The following SIGLEC1 variants were observed in gnomAD, a reference collection of about 807,000 sequenced individuals.
The protein encoded by SIGLEC1 is sialoadhesin.
Under a neutral mutation model 148.0 loss-of-function variants are expected in SIGLEC1, and 132 were observed. That is an observed-to-expected ratio of 0.89 (90% CI 0.77 to 1.03). The LOEUF is 1.03. Ranked by LOEUF, SIGLEC1 falls within the 50% of genes least tolerant of loss-of-function variation. SIGLEC1 has a pLI of 0.00. For synonymous variants in SIGLEC1, 945 were observed against 969.0 expected (o/e 0.98, Z 0.46); for missense variants, 2,253 against 2,271.4 (o/e 0.99, Z 0.16).
In SIGLEC1 at chr20:3,688,465, G is replaced by T; in HGVS notation, c.*95C>A. 2 of 1,048,544 alleles carry T rather than the reference G, an allele frequency of 1.9e-6. No individual in the cohort carries two copies. The highest frequency in any genetic ancestry group is 2.9e-6 in the Non-Finnish European group (2 of 690,044). 65.0% of individuals were successfully genotyped at this position (1,048,544 alleles called of 1,614,324 possible). On this transcript the variant is annotated 3_prime_UTR_variant, in exon 22 of 22. Transcript: ENST00000344754. ...GTCACAGAGCTGTTTTCGTAGAGGCGGGCAGGACTCAACACTGCCTCATTC... is the reference window on the plus strand; with the variant it reads ...GTCACAGAGCTGTTTTCGTAGAGGCTGGCAGGACTCAACACTGCCTCATTC...
Position 3,696,840 on chromosome 20 carries a change from C to T in SIGLEC1, c.2429G>A (p.Gly810Asp). The T allele has an allele frequency of 1.3e-6, 2 of 1,587,126 alleles. No individual in the cohort carries two copies. Among genetic ancestry groups the T allele is most frequent in the Non-Finnish European group, 1.7e-6 (2 of 1,165,502 alleles). ...KLSALLDMGQ[G>D]HMALFICTVD... ...AGTGCAGATGAACAGAGCCATGTGGCCCTGGCCCATGTCTAGGAGGGCTGA... is the reference window on the plus strand; with the variant it reads ...AGTGCAGATGAACAGAGCCATGTGGTCCTGGCCCATGTCTAGGAGGGCTGA... Residue 810 changes from glycine (G) to aspartate (D), a missense_variant, in exon 11 of 22, where the codon GGC (glycine) becomes GAC (aspartate). Coordinates refer to ENST00000344754, the MANE Select transcript of SIGLEC1 (RefSeq NM_023068.4).
At chr20:3,691,019 C>T (rs1014396033) in intron 18 of SIGLEC1, among the ~76,000 whole-genome samples, 7 of 151,864 alleles carry the variant, frequency 4.6e-5, no homozygotes, top group South Asian at 2.1e-4. Context: ...TTAGTAGAGA[C>T]GGAGTTTCGC....
chr20:3,689,136 G>T lies in SIGLEC1; in HGVS notation c.5070+19C>A. 1 of 1,604,302 alleles carries T rather than the reference G, an allele frequency of 6.2e-7. No individual in the cohort carries two copies. Among genetic ancestry groups the T allele is most frequent in the Non-Finnish European group, 8.5e-7 (1 of 1,170,976 alleles). On this transcript the variant is annotated intron_variant, in intron 21 of 21. Coordinates refer to ENST00000344754, the MANE Select transcript of SIGLEC1 (RefSeq NM_023068.4). ...GGTTAGCTGGGTATTATATCTGCCC[G>T]TGTGTGTTGAATGGATACCTGCGTG...
At position 3,705,741 on chromosome 20, in the gene SIGLEC1, C is replaced by G; in HGVS notation, c.706+3G>C. The G allele has an allele frequency of 6.2e-6, 10 of 1,601,202 alleles. No individual in the cohort carries two copies. Among genetic ancestry groups the G allele is most frequent in the Non-Finnish European group, 8.5e-6 (10 of 1,171,134 alleles). ...CACAAGGGTGTGTCCCCAGACAACT[C>G]ACACTTCACTTGGAGGTGAATCTCG... On this transcript the variant is annotated splice_donor_region_variant and intron_variant, in intron 4 of 21. Transcript: ENST00000344754.
At chr20:3,689,355 C>T (rs2088731823) in intron 20 of SIGLEC1, 128 bp from the exon 21 acceptor site, 1 of 817,288 alleles carries the variant, frequency 1.2e-6, no homozygotes, top group Non-Finnish European at 2.1e-6. Context: ...GTGGGTGCTT[C>T]CTCTGTCTTC....
In SIGLEC1 at chr20:3,694,934, A is replaced by G. The variant is rs1438822405; in HGVS notation, c.2684-11T>C. ...CCTGGACCCAGGCTCCTGCAGGGGA[A>G]AACCAAGAGCAGGTGAGGGCTCTCC... is the stretch of plus-strand genomic sequence containing the variant. On this transcript the variant is annotated splice_polypyrimidine_tract_variant and intron_variant, in intron 11 of 21. Transcript: ENST00000344754. 6.2e-7 allele frequency: 1 copy of G among 1,607,184 alleles called. No homozygotes were observed. The highest frequency in any genetic ancestry group is 8.5e-7 in the Non-Finnish European group (1 of 1,176,972).
intron 21 of SIGLEC1, 67 bp from the exon 22 acceptor site, chr20:3,688,686 G>T: frequency 1.6e-6 from 2 of 1,278,498 alleles, no homozygotes; most frequent in East Asian, 2.5e-5. Flanking sequence ...CAGGCCCCCA[G>T]CCTCAGGTGG....
At position 3,707,233 on chromosome 20, in the gene SIGLEC1, A is replaced by C. The variant is rs1600292183; in HGVS notation, c.-105T>G. ...CACCTCTGGGCACTTTAGCCCCAGC[A>C]CCTGCTAGAAGTCCGAGCCTGTGTC... is the stretch of plus-strand genomic sequence containing the variant. On this transcript the variant is annotated 5_prime_UTR_variant, in exon 2 of 22. Transcript: ENST00000344754. The C allele has an allele frequency of 1.0e-6, 1 of 982,218 alleles. No homozygotes were observed. The highest frequency in any genetic ancestry group is 1.6e-6 in the Non-Finnish European group (1 of 631,536). The allele number at this position is 982,218 out of a possible 1,614,324, so 60.8% of individuals were successfully genotyped here.
Position 3,691,455 on chromosome 20 carries a change from A to G in SIGLEC1, c.4476T>C (p.Pro1492=), listed in dbSNP as rs769240528. Residue 1492 remains proline (P), a synonymous_variant, in exon 18 of 22, where the codon CCT becomes CCC. Transcript: ENST00000344754. The part of the protein sequence containing the change: ...FWNDRRLHAE[P]VPTLAFTHVA... ...CGTGGGTGAAGGCGAGAGTGGGCACAGGCTCCGCGTGCAGCCGCCGGTCAT... is the reference window on the plus strand; with the variant it reads ...CGTGGGTGAAGGCGAGAGTGGGCACGGGCTCCGCGTGCAGCCGCCGGTCAT... 1.9e-6 allele frequency: 3 copies of G among 1,613,090 alleles called. No homozygotes were observed. The highest frequency in any genetic ancestry group is 2.7e-5 in the African/African-American group (2 of 74,960).
At chr20:3,704,267 C>G (rs1043979038) in intron 4 of SIGLEC1, among the ~76,000 whole-genome samples, 176 bp from the exon 5 acceptor site, 12 of 152,194 alleles carry the variant, frequency 7.9e-5, no homozygotes, top group African/African-American at 2.9e-4. Context: ...GTCCCTTTCC[C>G]GCCCCCTGCG....
chr20:3,690,271 G>A lies in SIGLEC1; in HGVS notation c.4592-7C>T. 1 of 1,533,990 alleles carries A rather than the reference G, an allele frequency of 6.5e-7. No individual in the cohort carries two copies. The highest frequency in any genetic ancestry group is 8.8e-7 in the Non-Finnish European group (1 of 1,138,338). ...GTGGGCGTCTTGGGAGGGTCTGTGG[G>A]GAGGAAGGGAGTGTGGTGATTGCAG... On this transcript the variant is annotated splice_region_variant and splice_polypyrimidine_tract_variant and intron_variant, in intron 18 of 21. Coordinates refer to ENST00000344754, the MANE Select transcript of SIGLEC1 (RefSeq NM_023068.4).
At position 3,692,050 on chromosome 20, in the gene SIGLEC1, A is replaced by G. The variant is rs775623884; in HGVS notation, c.4183T>C (p.Leu1395=). 1 of 1,612,898 alleles carries G rather than the reference A, an allele frequency of 6.2e-7. No homozygotes were observed. The highest frequency in any genetic ancestry group is 1.1e-5 in the South Asian group (1 of 90,970). The part of the protein sequence containing the change: ...VLATSSGVHS[L]ASGTGHVQVA... ...TGGACATGGCCTGTCCCTGATGCCA[A>G]GCTGTGGACCCCGCTGCTCGTGGCC... The change falls in exon 17 of 22, where the codon TTG becomes CTG. Residue 1395 remains leucine, a synonymous_variant. Transcript: ENST00000344754.
chr20:3,705,239 C>T (rs909604344), intron 4 of SIGLEC1, among the ~76,000 whole-genome samples: 2 of 152,154 alleles, frequency 1.3e-5, no homozygotes, highest in Admixed American at 1.3e-4. Context: ...TCAAGTGATC[C>T]ACCCGCCTCA....
In SIGLEC1 at chr20:3,692,595, G is replaced by A. The variant is rs762704738; in HGVS notation, c.3956C>T (p.Ala1319Val). The stretch of plus-strand genomic sequence containing the variant: ...CTGGGCCTGGCAAGAGTAGGCGCCT[G>A]CATGAGCCCGCGTGGCCACCAGGAA... ...LSFLVATRAH[A>V]GAYSCQAQDA... Residue 1319 changes from alanine to valine, a missense_variant, in exon 16 of 22, where the codon GCA becomes GTA. By Grantham distance (64) the Ala-to-Val change is moderately conservative. Coordinates refer to ENST00000344754, the MANE Select transcript of SIGLEC1 (RefSeq NM_023068.4). 3.1e-6 allele frequency: 5 copies of A among 1,612,264 alleles called. No homozygotes were observed. Among genetic ancestry groups the A allele is most frequent in the Non-Finnish European group, 3.4e-6 (4 of 1,179,994 alleles).
At chr20:3,694,614 G>A (rs1023623740) in intron 12 of SIGLEC1, 49 bp downstream of exon 12, 1 of 1,580,212 alleles carries the variant, frequency 6.3e-7, no homozygotes, top group South Asian at 1.2e-5. Context: ...GCCCAGGACT[G>A]GGGGACTGCA....
rs777553761 is a variant in SIGLEC1 at position 3,696,804 on chromosome 20, C to A, written c.2465G>T (p.Arg822Leu). The A allele has an allele frequency of 6.2e-7, 1 of 1,610,500 alleles. No homozygotes were observed. The highest frequency in any genetic ancestry group is 8.5e-7 in the Non-Finnish European group (1 of 1,178,490). Residue 822 changes from arginine (R) to leucine (L), a missense_variant, in exon 11 of 22, where the codon CGC becomes CTC. Coordinates refer to ENST00000344754, the MANE Select transcript of SIGLEC1 (RefSeq NM_023068.4). The stretch of plus-strand genomic sequence containing the variant: ...GAACAAGGCCAGCAAGGCCAGGGGG[C>A]GGCTGTCCACAGTGCAGATGAACAG... ...MALFICTVDS[R>L]PLALLALFHG...
rs2088802103 is a variant in SIGLEC1 at position 3,694,466 on chromosome 20, A to G, written c.3011T>C (p.Leu1004Pro). 1 of 1,603,800 alleles carries G rather than the reference A, an allele frequency of 6.2e-7. No individual in the cohort carries two copies. The highest frequency in any genetic ancestry group is 2.2e-5 in the East Asian group (1 of 44,470). The change falls in exon 13 of 22, where the codon CTG becomes CCG. Residue 1004 changes from leucine to proline, a missense_variant. Physicochemically the swap from Leu to Pro is moderately conservative, Grantham distance 98. Coordinates refer to ENST00000344754, the MANE Select transcript of SIGLEC1 (RefSeq NM_023068.4). ...CGGAGGGTCACTGTCCACACGGCAC[A>G]GGAGGAGGCCCAGTCGTCCAGGGCC... The part of the protein sequence containing the change: ...DTGPGRLGLL[L>P]CRVDSDPPAQ...
In SIGLEC1 at chr20:3,688,134, T is replaced by C; in HGVS notation, c.*426A>G. 9.2e-6 allele frequency: 2 copies of C among 217,256 alleles called. No homozygotes were observed. Among genetic ancestry groups the C allele is most frequent in the South Asian group, 6.3e-5 (1 of 15,954 alleles). 13.5% of individuals were successfully genotyped at this position (217,256 alleles called of 1,614,324 possible). On this transcript the variant is annotated 3_prime_UTR_variant, in exon 22 of 22. Transcript: ENST00000344754. The stretch of plus-strand genomic sequence containing the variant: ...TTCTATCATGTTGAAGTCACTGTAT[T>C]TGGTCTCTTGTTAGAGCAGGCTGAC...
intron 19 of SIGLEC1, 118 bp from the exon 20 acceptor site, chr20:3,689,820 C>T: frequency 2.5e-6 from 3 of 1,179,518 alleles, no homozygotes; most frequent in East Asian, 2.6e-5. Flanking sequence ...AAGCTCTCCA[C>T]ACAAGGGTGC....
Sources: gnomAD v4.1 joint callset for allele counts (sites outside exome capture counted in the v4.1 genomes callset) on GRCh38, gnomAD v4.1.1 for gene constraint, MANE v1.5 for transcripts, NCBI Gene and HGNC (gene_info 2026-07-23, HGNC 2026-07-21) for gene names.